The following SUGCT variants were observed in gnomAD, a reference collection of about 807,000 sequenced individuals.
SUGCT encodes succinyl-CoA:glutarate-CoA transferase.
In SUGCT, 41 loss-of-function variants were observed where a neutral mutation model predicts 55.0. The ratio of observed to expected loss-of-function variants is 0.74; its 90% CI spans 0.58 to 0.97. The LOEUF (loss-of-function observed/expected upper bound fraction) is 0.97. SUGCT is among the 50% of genes least tolerant of loss of function. The pLI is 0.00. For synonymous variants in SUGCT, 187 were observed against 200.4 expected, an observed-to-expected ratio of 0.93 and a Z score of 0.56; for missense variants, 568 against 547.8, an observed-to-expected ratio of 1.04 and a Z score of -0.37.
chr7:40,199,981 C>G (rs568555839), intron 6 of SUGCT, among the ~76,000 whole-genome samples: 3 of 151,744 alleles, frequency 2.0e-5, no homozygotes, highest in African/African-American at 7.3e-5. Context: ...AATGATTAAC[C>G]CTGGGGAGTG....
the SUGCT span, among the ~76,000 whole-genome samples, chr7:40,971,978 A>G: frequency 6.6e-6 from 1 of 152,212 alleles, no homozygotes; most frequent in East Asian, 1.9e-4. Flanking sequence ...GAAAATAAAT[A>G]AAACTCATTT....
chr7:40,467,443 C>T (rs1420888242), intron 11 of SUGCT, among the ~76,000 whole-genome samples: 1 of 152,044 alleles, frequency 6.6e-6, no homozygotes, highest in Non-Finnish European at 1.5e-5. Context: ...TGTGTCTCAA[C>T]AATCTAGTTA....
At chr7:40,497,232 G>A (rs900408663) in intron 12 of SUGCT, among the ~76,000 whole-genome samples, 2 of 152,038 alleles carry the variant, frequency 1.3e-5, no homozygotes, top group Non-Finnish European at 2.9e-5. Context: ...TATTTATATC[G>A]TGGCAGGTTT....
At chr7:40,669,875 A>C (rs1452136013) in intron 12 of SUGCT, among the ~76,000 whole-genome samples, 2 of 152,034 alleles carry the variant, frequency 1.3e-5, no homozygotes, top group African/African-American at 4.8e-5. Context: ...TGGAAAAAGT[A>C]CTAGAAAAAA....
chr7:40,836,901 A>G (rs535058296), intron 13 of SUGCT, among the ~76,000 whole-genome samples: 82 of 152,148 alleles, frequency 5.4e-4, no homozygotes, highest in Non-Finnish European at 9.7e-4. Context: ...ATGAACATTC[A>G]TGAGCAGATT....
chr7:40,801,596 T>TA (rs1790819504), intron 13 of SUGCT, among the ~76,000 whole-genome samples: 1 of 152,106 alleles, frequency 6.6e-6, no homozygotes, highest in African/African-American at 2.4e-5. Flanking sequence ...ATCTTAACCA[T>TA]AAAAATGAAG....
chr7:40,352,705 G>A (rs1470520081), intron 9 of SUGCT, among the ~76,000 whole-genome samples: 2 of 152,114 alleles, frequency 1.3e-5, no homozygotes, highest in African/African-American at 4.8e-5. Flanking sequence ...TTGATCCCAT[G>A]TTTTTGTTAT....
the SUGCT span, among the ~76,000 whole-genome samples, chr7:40,878,954 C>T: frequency 2.4e-4 from 36 of 152,048 alleles, no homozygotes; most frequent in East Asian, 2.5e-3. Flanking sequence ...CCACCACGCC[C>T]GGCTAATTTT....
intron 9 of SUGCT, among the ~76,000 whole-genome samples, chr7:40,359,934 A>C (rs1798066132): frequency 6.6e-6 from 1 of 152,230 alleles, no homozygotes; most frequent in Non-Finnish European, 1.5e-5. Context: ...TTTTATTGGT[A>C]ACTACTTACA....
chr7:40,805,557 C>G (rs1047787855), intron 13 of SUGCT, among the ~76,000 whole-genome samples: 2 of 152,134 alleles, frequency 1.3e-5, no homozygotes, highest in African/African-American at 4.8e-5. Flanking sequence ...TTCATCAAAG[C>G]AGACATGAAA....
the SUGCT span, among the ~76,000 whole-genome samples, chr7:41,034,596 A>G: frequency 6.6e-6 from 1 of 152,188 alleles, no homozygotes; most frequent in African/African-American, 2.4e-5. Context: ...GTCCCTAGAC[A>G]TGTTGACCTT....
At chr7:40,737,842 A>G (rs928047365) in intron 12 of SUGCT, among the ~76,000 whole-genome samples, 1 of 151,250 alleles carries the variant, frequency 6.6e-6, no homozygotes, top group Non-Finnish European at 1.5e-5. Context: ...GAGAATCGCT[A>G]TAACCCAGGA....
intron 13 of SUGCT, among the ~76,000 whole-genome samples, chr7:40,835,270 T>G (rs966829930): frequency 1.3e-5 from 2 of 152,224 alleles, no homozygotes; most frequent in Non-Finnish European, 2.9e-5. Flanking sequence ...CTTTTGTCTC[T>G]TTGAGATTCA....
chr7:40,785,891 C>T (rs1037297296), intron 13 of SUGCT, among the ~76,000 whole-genome samples: 10 of 151,936 alleles, frequency 6.6e-5, no homozygotes, highest in South Asian at 2.1e-4. Context: ...AGTTCAAGAC[C>T]GGCCTGGGCA....
the SUGCT span, among the ~76,000 whole-genome samples, chr7:40,906,113 CTGTTTTTTGTTTT>C: frequency 2.6e-5 from 4 of 151,840 alleles, no homozygotes; most frequent in East Asian, 1.9e-4. Context: ...ATTTCCAGAG[CTGTTTTTTGTTTT>C]TGTTTTTTGT....
At chr7:40,764,379 C>T (rs1357781513) in intron 13 of SUGCT, among the ~76,000 whole-genome samples, 2 of 152,080 alleles carry the variant, frequency 1.3e-5, no homozygotes, top group Non-Finnish European at 2.9e-5. Flanking sequence ...CCTTTTTTAG[C>T]CATCAGGACT....
chr7:40,937,976 C>T, the SUGCT span, among the ~76,000 whole-genome samples: 1 of 152,154 alleles, frequency 6.6e-6, no homozygotes, highest in Non-Finnish European at 1.5e-5. Flanking sequence ...AGATCCCTCG[C>T]ATGTGCAGTT....
chr7:40,427,368 C>T (rs552211125), intron 9 of SUGCT, among the ~76,000 whole-genome samples: 1 of 152,258 alleles, frequency 6.6e-6, no homozygotes, highest in African/African-American at 2.4e-5. Context: ...GGTCACACTG[C>T]TAAGTCAGTG....
chr7:40,162,192 G>T (rs1314590164), intron 1 of SUGCT, among the ~76,000 whole-genome samples: 1 of 152,154 alleles, frequency 6.6e-6, no homozygotes, highest in Admixed American at 6.5e-5. Flanking sequence ...TACCGCGCCC[G>T]GCCGTGAAGT....
Sources: allele counts gnomAD v4.1 joint callset (sites outside exome capture counted in the v4.1 genomes callset), GRCh38; gene constraint gnomAD v4.1.1; transcripts MANE v1.5; gene names NCBI Gene and HGNC (gene_info 2026-07-23, HGNC 2026-07-21).